MARCHF3: variants seen among roughly 807,000 people sequenced by gnomAD.
The protein encoded by MARCHF3 is membrane associated ring-CH-type finger 3.
MARCHF3 carries 13 observed loss-of-function variants against 24.2 expected under a neutral mutation model. The observed-to-expected ratio is 0.54, with a 90% CI of 0.35 to 0.85. MARCHF3 has a LOEUF of 0.85. MARCHF3 is among the 40% of genes least tolerant of loss of function. The pLI, the probability that MARCHF3 is intolerant of heterozygous loss-of-function variation, is 0.01. For missense variants in MARCHF3, 276 were observed against 325.0 expected (o/e 0.85, Z 1.16); for synonymous variants, 144 against 137.3 (o/e 1.05, Z -0.34).
chr5:127,025,973 C>G (rs544123649), intron 1 of MARCHF3, among the ~76,000 whole-genome samples: 1 of 151,606 alleles, frequency 6.6e-6, no homozygotes, highest in Non-Finnish European at 1.5e-5. Context: ...AGAGGGCAGA[C>G]TGATTTAAAA....
rs1383202803 is a variant in MARCHF3, at chr5:126,870,059, C to A, written c.*574G>T. Reference sequence around the variant, plus strand: ...TAAATGAAGTTTAGTACAAAACATTCTTCAAATATGACTTGTTCTGCATCT... The same window carrying A: ...TAAATGAAGTTTAGTACAAAACATTATTCAAATATGACTTGTTCTGCATCT... On this transcript the variant is annotated 3_prime_UTR_variant, in exon 5 of 5. Transcript: ENST00000308660. 1 of 152,488 alleles carries A rather than the reference C, an allele frequency of 6.6e-6. No individual in the cohort carries two copies. Among genetic ancestry groups the A allele is most frequent in the East Asian group, 1.9e-4 (1 of 5,184 alleles). 9.4% of individuals were successfully genotyped at this position (152,488 alleles called of 1,614,324 possible).
intron 1 of MARCHF3, among the ~76,000 whole-genome samples, chr5:126,998,623 G>A (rs1752023892): frequency 6.6e-6 from 1 of 152,180 alleles, no homozygotes. Flanking sequence ...GGTGGGGTAA[G>A]GGAAGGTCAG....
chr5:127,004,294 C>T (rs1752236130), intron 1 of MARCHF3, among the ~76,000 whole-genome samples: 1 of 152,024 alleles, frequency 6.6e-6, no homozygotes, highest in Non-Finnish European at 1.5e-5. Context: ...TGGAAATGGC[C>T]CTGACACAGA....
chr5:126,978,162 T>C (rs140516417), intron 1 of MARCHF3, among the ~76,000 whole-genome samples: 4 of 152,360 alleles, frequency 2.6e-5, no homozygotes, highest in African/African-American at 7.2e-5. Flanking sequence ...CTTTTCACTC[T>C]ACCCCCAAAA....
At chr5:126,878,119 G>A in intron 4 of MARCHF3, 66 bp downstream of exon 4, 1 of 1,510,786 alleles carries the variant, frequency 6.6e-7, no homozygotes, top group Non-Finnish European at 9.2e-7. Context: ...CAAGAGGAAA[G>A]GCTTGTGCCA....
chr5:127,024,572 T>C (rs1475198198), intron 1 of MARCHF3, among the ~76,000 whole-genome samples: 1 of 152,230 alleles, frequency 6.6e-6, no homozygotes, highest in South Asian at 2.1e-4. Flanking sequence ...CTACCCATGA[T>C]AGGTACTCAA....
intron 3 of MARCHF3, among the ~76,000 whole-genome samples, chr5:126,904,330 G>A (rs1427188384): frequency 4.0e-5 from 6 of 150,322 alleles, no homozygotes; most frequent in Admixed American, 4.0e-4. Flanking sequence ...TATATACCCA[G>A]TAATGGGATG....
chr5:126,940,004 G>C (rs1019527035), intron 1 of MARCHF3, among the ~76,000 whole-genome samples: 54 of 152,240 alleles, frequency 3.5e-4, no homozygotes, highest in African/African-American at 1.2e-3. Context: ...ACTGCCCTTA[G>C]GGTCTAAACA....
At chr5:126,926,473 T>C (rs370124020) in intron 1 of MARCHF3, among the ~76,000 whole-genome samples, 2 of 152,310 alleles carry the variant, frequency 1.3e-5, no homozygotes, top group East Asian at 1.9e-4. Context: ...CTAAACCTCC[T>C]TGGACTTTGC....
At chr5:126,903,105 T>C (rs1754160493) in intron 3 of MARCHF3, among the ~76,000 whole-genome samples, 1 of 152,066 alleles carries the variant, frequency 6.6e-6, no homozygotes, top group African/African-American at 2.4e-5. Flanking sequence ...AGGAGATCAG[T>C]AGGTTCGGTC....
intron 1 of MARCHF3, among the ~76,000 whole-genome samples, chr5:126,929,776 C>T (rs1305168975): frequency 6.6e-6 from 1 of 152,102 alleles, no homozygotes; most frequent in Non-Finnish European, 1.5e-5. Context: ...GTGGGAGGGA[C>T]CTGGTGGGAG....
chr5:126,976,711 A>G (rs1266051623), intron 1 of MARCHF3, among the ~76,000 whole-genome samples: 1 of 152,158 alleles, frequency 6.6e-6, no homozygotes. Context: ...TTCCTTCAGG[A>G]GCCCACTCTG....
chr5:126,895,354 G>C (rs574032767), intron 3 of MARCHF3, among the ~76,000 whole-genome samples: 2 of 152,248 alleles, frequency 1.3e-5, no homozygotes, highest in South Asian at 2.1e-4. Context: ...TGCTGGTGAG[G>C]AACTGCGTTC....
chr5:126,871,189 A>C (rs1042531096), intron 4 of MARCHF3, among the ~76,000 whole-genome samples: 2 of 152,102 alleles, frequency 1.3e-5, no homozygotes, highest in Non-Finnish European at 2.9e-5. Flanking sequence ...TCTCTGTTAG[A>C]TGAGTGGGAT....
intron 3 of MARCHF3, among the ~76,000 whole-genome samples, chr5:126,903,729 A>G (rs1184697226): frequency 6.6e-6 from 1 of 152,040 alleles, no homozygotes; most frequent in Non-Finnish European, 1.5e-5. Flanking sequence ...CAAGGTACAA[A>G]GTGGTTTCTT....
At chr5:127,007,589 TA>T (rs1166557190) in intron 1 of MARCHF3, among the ~76,000 whole-genome samples, 2 of 152,134 alleles carry the variant, frequency 1.3e-5, no homozygotes, top group Non-Finnish European at 2.9e-5. Context: ...TAGTTATCTC[TA>T]CAATTTTGAG....
intron 3 of MARCHF3, among the ~76,000 whole-genome samples, chr5:126,890,714 T>G (rs1026494852): frequency 6.6e-6 from 1 of 151,322 alleles, no homozygotes; most frequent in African/African-American, 2.4e-5. Context: ...GGGTTCCAAG[T>G]CTTTGCTATT....
chr5:127,002,687 G>A (rs552245463), intron 1 of MARCHF3, among the ~76,000 whole-genome samples: 2 of 152,214 alleles, frequency 1.3e-5, no homozygotes, highest in South Asian at 4.1e-4. Context: ...CCATTTTCCA[G>A]AGCCTGGACA....
intron 3 of MARCHF3, chr5:126,898,883 T>G: frequency 2.0e-6 from 2 of 984,690 alleles, no homozygotes; most frequent in Non-Finnish European, 2.4e-6. Context: ...TTTCATTTTC[T>G]TCTTGTAATC....
Sources: gnomAD v4.1 joint callset for allele counts (sites outside exome capture counted in the v4.1 genomes callset) on GRCh38, gnomAD v4.1.1 for gene constraint, MANE v1.5 for transcripts, NCBI Gene and HGNC (gene_info 2026-07-23, HGNC 2026-07-21) for gene names.